The following CXADR variants were observed in gnomAD, a reference collection of about 807,000 sequenced individuals.
CXADR encodes the protein coxsackievirus and adenovirus receptor.
A neutral mutation model predicts 40.3 loss-of-function variants in CXADR; 20 were observed. The ratio of observed to expected loss-of-function variants is 0.50; its 90% CI spans 0.35 to 0.72. The LOEUF (loss-of-function observed/expected upper bound fraction) is 0.72, where lower values mean the gene tolerates loss of function less well. Ranked by LOEUF, CXADR falls within the 30% of genes least tolerant of loss-of-function variation. CXADR has a pLI of 0.01. For synonymous variants in CXADR, 150 were observed against 161.3 expected (o/e 0.93, Z 0.53); for missense variants, 332 against 449.1 (o/e 0.74, Z 2.36).
At chr21:17,606,661 ATACCT>A in the CXADR span, among the ~76,000 whole-genome samples, 50 of 152,280 alleles carry the variant, frequency 3.3e-4, no homozygotes, top group South Asian at 1.0e-3. Context: ...CAAAATCTGC[ATACCT>A]TACATGTTTT....
At chr21:17,622,113 C>T in the CXADR span, among the ~76,000 whole-genome samples, 1 of 152,256 alleles carries the variant, frequency 6.6e-6, no homozygotes, top group Non-Finnish European at 1.5e-5. Flanking sequence ...TCCTTTAATA[C>T]AGGCAACATC....
chr21:17,520,184 T>C (rs1452353772), intron 1 of CXADR, among the ~76,000 whole-genome samples: 1 of 152,172 alleles, frequency 6.6e-6, no homozygotes, highest in Non-Finnish European at 1.5e-5. Context: ...GATACTACTA[T>C]GTGCAAAGCC....
At chr21:17,550,693 A>T (rs540972409) in intron 2 of CXADR, among the ~76,000 whole-genome samples, 1 of 152,296 alleles carries the variant, frequency 6.6e-6, no homozygotes, top group East Asian at 1.9e-4. Flanking sequence ...AATGTTAGAG[A>T]TTGTTAGAGA....
chr21:17,563,040 C>G (rs149382809), intron 6 of CXADR, among the ~76,000 whole-genome samples: 1 of 152,332 alleles, frequency 6.6e-6, no homozygotes, highest in East Asian at 1.9e-4. Context: ...ACTGGAGTAA[C>G]ACTTTGACTT....
At chr21:17,620,485 A>G in the CXADR span, among the ~76,000 whole-genome samples, 1 of 152,192 alleles carries the variant, frequency 6.6e-6, no homozygotes, top group African/African-American at 2.4e-5. Flanking sequence ...TCACCTTAAC[A>G]GATATATTAA....
At chr21:17,618,685 C>T in the CXADR span, among the ~76,000 whole-genome samples, 2 of 152,018 alleles carry the variant, frequency 1.3e-5, no homozygotes, top group Non-Finnish European at 2.9e-5. Flanking sequence ...TACAGGCATG[C>T]ACCACCACGC....
intron 1 of CXADR, among the ~76,000 whole-genome samples, chr21:17,535,677 C>G (rs1324793541): frequency 1.3e-5 from 2 of 152,072 alleles, no homozygotes; most frequent in Admixed American, 6.6e-5. Flanking sequence ...TCCAAGCAAC[C>G]GAACAAGCAT....
intron 2 of CXADR, among the ~76,000 whole-genome samples, chr21:17,548,112 A>G (rs73308248): frequency 0.027 from 4,039 of 152,246 alleles, 182 homozygotes; most frequent in African/African-American, 0.093. Flanking sequence ...ATAAGTCCAA[A>G]TATTTAGGTA....
chr21:17,542,761 C>T (rs1159906716), intron 1 of CXADR, among the ~76,000 whole-genome samples: 1 of 152,174 alleles, frequency 6.6e-6, no homozygotes, highest in African/African-American at 2.4e-5. Context: ...ATTTGATTTA[C>T]CTTTTAAACC....
At chr21:17,588,078 G>A (rs1318377496) in intron 7 of CXADR, among the ~76,000 whole-genome samples, 1 of 152,108 alleles carries the variant, frequency 6.6e-6, no homozygotes, top group Non-Finnish European at 1.5e-5. Context: ...GCTCTGTTCT[G>A]TTCGATTGGT....
chr21:17,528,063 T>C (rs1224374885), intron 1 of CXADR, among the ~76,000 whole-genome samples: 2 of 133,596 alleles, frequency 1.5e-5, no homozygotes, highest in Admixed American at 1.7e-4. Flanking sequence ...TATGCTTAGT[T>C]CTTTCTTTTT....
intron 1 of CXADR, 143 bp downstream of exon 1, chr21:17,513,315 T>G: frequency 1.2e-6 from 1 of 835,830 alleles, no homozygotes; most frequent in Non-Finnish European, 1.6e-6. Context: ...GCGGGCAGAA[T>G]TGCACAGGGG....
At chr21:17,532,402 ACTGT>A (rs141384977) in intron 1 of CXADR, among the ~76,000 whole-genome samples, 3,570 of 152,200 alleles carry the variant, frequency 0.023, 134 homozygotes, top group African/African-American at 0.08. Flanking sequence ...CATATCATAC[ACTGT>A]CTATTTTCTC....
At chr21:17,614,658 A>G in the CXADR span, among the ~76,000 whole-genome samples, 1 of 152,090 alleles carries the variant, frequency 6.6e-6, no homozygotes, top group Non-Finnish European at 1.5e-5. Context: ...TGAGAGGATC[A>G]CCTGAGCCCA....
the CXADR span, among the ~76,000 whole-genome samples, chr21:17,606,244 T>C: frequency 6.6e-6 from 1 of 151,880 alleles, no homozygotes; most frequent in Admixed American, 6.6e-5. Context: ...GCAGAGAGAG[T>C]TTGAGTAACT....
chr21:17,513,104 C>T lies in CXADR; in HGVS notation c.-26C>T, dbSNP rs767086211. ...AGGAGCGAGAGCCGCCTACCTGCAG[C>T]CGCCGCCCACGGCACGGCAGCCACC... On this transcript the variant is annotated 5_prime_UTR_variant, in exon 1 of 7. Coordinates refer to ENST00000284878, the MANE Select transcript of CXADR (RefSeq NM_001338.5). The T allele has an allele frequency of 4.7e-5, 63 of 1,345,474 alleles. No homozygotes were observed. In the Middle Eastern group the frequency reaches 7.1e-4, roughly 15 times the overall value. The allele number at this position is 1,345,474 out of a possible 1,614,324, so 83.3% of individuals were successfully genotyped here.
intron 1 of CXADR, among the ~76,000 whole-genome samples, chr21:17,541,704 T>A (rs1242803663): frequency 6.6e-6 from 1 of 151,978 alleles, no homozygotes; most frequent in Admixed American, 6.6e-5. Context: ...TTTCACTTAG[T>A]AATATGCATT....
intron 3 of CXADR, among the ~76,000 whole-genome samples, chr21:17,552,392 T>G (rs1334926121): frequency 6.6e-6 from 1 of 152,196 alleles, no homozygotes; most frequent in Non-Finnish European, 1.5e-5. Flanking sequence ...CACATAGTAT[T>G]TAAGCTTCTT....
At chr21:17,583,499 A>G (rs1052818609) in intron 7 of CXADR, among the ~76,000 whole-genome samples, 1 of 152,220 alleles carries the variant, frequency 6.6e-6, no homozygotes. Context: ...TCTCCAACAT[A>G]TATGTATAAC....
Sources: gnomAD v4.1 joint callset for allele counts (sites outside exome capture counted in the v4.1 genomes callset) on GRCh38, gnomAD v4.1.1 for gene constraint, MANE v1.5 for transcripts, NCBI Gene and HGNC (gene_info 2026-07-23, HGNC 2026-07-21) for gene names.